Variants in URI1 observed in about 807,000 individuals in gnomAD.
The protein encoded by URI1 is unconventional prefoldin RPB5 interactor 1.
Under a neutral mutation model 60.2 loss-of-function variants are expected in URI1, and 39 were observed. That is an observed-to-expected ratio of 0.65 (90% confidence interval 0.50 to 0.85). The LOEUF (loss-of-function observed/expected upper bound fraction) is 0.85, where lower values mean the gene tolerates loss of function less well. URI1 is among the 40% of genes least tolerant of loss of function. The pLI, the probability that URI1 is intolerant of heterozygous loss-of-function variation, is 0.00. For synonymous variants in URI1, 251 were observed against 236.8 expected, an observed-to-expected ratio of 1.06 and a Z score of -0.55; for missense variants, 691 against 665.9, an observed-to-expected ratio of 1.04 and a Z score of -0.42.
At chr19:29,952,766 A>G (rs1006065659) in intron 1 of URI1, among the ~76,000 whole-genome samples, 3 of 152,214 alleles carry the variant, frequency 2.0e-5, no homozygotes, top group Non-Finnish European at 2.9e-5. Context: ...CTTTTCAGTG[A>G]CATTGATTAC....
At chr19:29,990,380 G>T (rs1399780236) in intron 4 of URI1, among the ~76,000 whole-genome samples, 1 of 152,166 alleles carries the variant, frequency 6.6e-6, no homozygotes, top group East Asian at 1.9e-4. Context: ...TGATCTAGCA[G>T]TTCCACACCT....
chr19:29,941,722 AT>A (rs2055026322), upstream of URI1, among the ~76,000 whole-genome samples: 2 of 152,174 alleles, frequency 1.3e-5, no homozygotes, highest in Admixed American at 1.3e-4. Context: ...CAGTAGCTTA[AT>A]TTATATAAGA....
chr19:29,956,231 T>C (rs2055244985), intron 1 of URI1: 1 of 482,396 alleles, frequency 2.1e-6, no homozygotes, highest in Non-Finnish European at 3.5e-6. Context: ...TCCACCTGTC[T>C]TCGGCCTCCC....
At chr19:29,973,768 G>A (rs2055488068) in intron 2 of URI1, among the ~76,000 whole-genome samples, 1 of 152,048 alleles carries the variant, frequency 6.6e-6, no homozygotes, top group Non-Finnish European at 1.5e-5. Flanking sequence ...TATAATATTT[G>A]TTTAGTTAAT....
intron 2 of URI1, among the ~76,000 whole-genome samples, chr19:29,975,293 A>T (rs2055506666): frequency 6.6e-6 from 1 of 152,152 alleles, no homozygotes; most frequent in African/African-American, 2.4e-5. Flanking sequence ...TTTTGAAATG[A>T]ATCTAAGCCG....
chr19:29,945,890 T>C (rs1213641252), intron 1 of URI1, among the ~76,000 whole-genome samples: 5 of 152,138 alleles, frequency 3.3e-5, no homozygotes, highest in Admixed American at 3.3e-4. Flanking sequence ...AAGCTATTGA[T>C]AAAACTTATT....
At chr19:29,993,877 A>G (rs1209586773) in intron 4 of URI1, among the ~76,000 whole-genome samples, 1 of 151,354 alleles carries the variant, frequency 6.6e-6, no homozygotes, top group Non-Finnish European at 1.5e-5. Context: ...CACCCTATAC[A>G]CCTCCACTCA....
chr19:29,967,456 A>G (rs2059074), intron 1 of URI1, among the ~76,000 whole-genome samples: 7,737 of 152,266 alleles, frequency 0.051, 385 homozygotes, highest in East Asian at 0.22. Flanking sequence ...GATGCTTGGG[A>G]AATGTGTTTA....
chr19:29,942,116 C>G (rs1190744773), upstream of URI1: 2 of 693,006 alleles, frequency 2.9e-6, no homozygotes, highest in Non-Finnish European at 3.6e-6. Context: ...AGCGCGGACA[C>G]CGCCAGCCCC....
At chr19:29,948,313 C>G (rs576962326) in intron 1 of URI1, among the ~76,000 whole-genome samples, 7 of 152,202 alleles carry the variant, frequency 4.6e-5, no homozygotes, top group Admixed American at 2.6e-4. Flanking sequence ...TAGTGGGCAT[C>G]AGGGGTCAAC....
chr19:29,980,874 A>G (rs1456345235), intron 2 of URI1, among the ~76,000 whole-genome samples: 1 of 147,142 alleles, frequency 6.8e-6, no homozygotes, highest in Non-Finnish European at 1.5e-5. Flanking sequence ...GTGAGCCGAG[A>G]TCACGCCACG....
intron 1 of URI1, among the ~76,000 whole-genome samples, chr19:29,933,495 T>C (rs1357566942): frequency 6.6e-6 from 1 of 152,188 alleles, no homozygotes; most frequent in East Asian, 1.9e-4. Context: ...CTTTTCTCTT[T>C]TTTTCTTAGT....
rs2056031743 is a variant in URI1 at position 30,012,343 on chromosome 19, C to G, written c.1237C>G (p.Arg413Gly). The G allele has an allele frequency of 1.2e-6, 2 of 1,614,076 alleles. No individual in the cohort carries two copies. Among genetic ancestry groups the G allele is most frequent in the African/African-American group, 1.3e-5 (1 of 75,016 alleles). Residue 413 changes from arginine (R) to glycine (G), a missense_variant, in exon 10 of 11, where the codon CGA becomes GGA. Physicochemically the swap from Arg to Gly is moderately radical, Grantham distance 125. Transcript: ENST00000392271. ...YVPRKSILKS[R>G]SRENSVCSDT... ...CCCTCGCAAATCCATCCTGAAGTCT[C>G]GAAGTAGAGAGAATAGTGTGTGTAG...
chr19:29,998,440 G>C (rs1262488558), intron 4 of URI1, among the ~76,000 whole-genome samples: 1 of 152,002 alleles, frequency 6.6e-6, no homozygotes, highest in Non-Finnish European at 1.5e-5. Context: ...AGCTATTATG[G>C]TGAAATAATT....
chr19:29,997,865 A>G (rs1193926116), intron 4 of URI1, among the ~76,000 whole-genome samples: 1 of 152,088 alleles, frequency 6.6e-6, no homozygotes, highest in Non-Finnish European at 1.5e-5. Flanking sequence ...CCCGCGTTGA[A>G]GGGATTCTTC....
chr19:29,936,088 T>C (rs1167922146), intron 1 of URI1, among the ~76,000 whole-genome samples: 1 of 151,872 alleles, frequency 6.6e-6, no homozygotes, highest in Non-Finnish European at 1.5e-5. Flanking sequence ...GCCCGGCACT[T>C]AAAAAAAATT....
chr19:29,943,363 G>C (rs2055057575), intron 1 of URI1, among the ~76,000 whole-genome samples: 1 of 152,144 alleles, frequency 6.6e-6, no homozygotes, highest in Admixed American at 6.5e-5. Flanking sequence ...ATATAAAGAA[G>C]TATTCCCAAT....
chr19:29,928,983 G>A (rs966966225), intron 1 of URI1, among the ~76,000 whole-genome samples: 1 of 152,164 alleles, frequency 6.6e-6, no homozygotes, highest in African/African-American at 2.4e-5. Flanking sequence ...GAGGCTCCAA[G>A]ACAGGAAGTA....
intron 4 of URI1, among the ~76,000 whole-genome samples, chr19:30,000,604 G>C (rs2055866684): frequency 6.6e-6 from 1 of 151,914 alleles, no homozygotes; most frequent in Non-Finnish European, 1.5e-5. Context: ...GTTACCTCCT[G>C]TCTTTAAGTG....
Sources: allele counts gnomAD v4.1 joint callset (sites outside exome capture counted in the v4.1 genomes callset), GRCh38; gene constraint gnomAD v4.1.1; transcripts MANE v1.5; gene names NCBI Gene and HGNC (gene_info 2026-07-23, HGNC 2026-07-21).